CHFR: variants seen among roughly 807,000 people sequenced by gnomAD.
CHFR encodes the protein checkpoint with forkhead and ring finger domains.
Under a neutral mutation model 87.6 loss-of-function variants are expected in CHFR, and 57 were observed. The ratio of observed to expected loss-of-function variants is 0.65; its 90% confidence interval spans 0.53 to 0.81. The LOEUF (loss-of-function observed/expected upper bound fraction) is 0.81, where lower values mean the gene tolerates loss of function less well. Ranked by LOEUF, CHFR falls within the 30% of genes least tolerant of loss-of-function variation. The pLI, the probability that CHFR is intolerant of heterozygous loss-of-function variation, is 0.00. For synonymous variants in CHFR, 381 were observed against 359.2 expected, an observed-to-expected ratio of 1.06 and a Z score of -0.69; for missense variants, 797 against 865.8, an observed-to-expected ratio of 0.92 and a Z score of 1.00.
intron 10 of CHFR, among the ~76,000 whole-genome samples, chr12:132,855,926 T>C (rs758817679): frequency 2.0e-5 from 3 of 152,190 alleles, no homozygotes; most frequent in African/African-American, 7.2e-5. Context: ...GTCTTGTGCA[T>C]TAGGAAACCT....
Position 132,847,089 on chromosome 12 carries a change from C to A in CHFR, c.1689G>T (p.Leu563Phe). ...GCTGGAGAGCCACGAGGCTCTCGGTCAACATGTTTTTCCATGTCAAACCTC... is the reference window on the plus strand; with the variant it reads ...GCTGGAGAGCCACGAGGCTCTCGGTAAACATGTTTTTCCATGTCAAACCTC... ...ATRGLTWKNM[L>F]TESLVALQRG... Residue 563 changes from leucine (L) to phenylalanine (F), a missense_variant, in exon 15 of 18, where the codon TTG becomes TTT. Leu to Phe is a conservative substitution (Grantham distance 22, BLOSUM62 0). Transcript: ENST00000450056. 3.7e-6 allele frequency: 6 copies of A among 1,613,736 alleles called. No homozygotes were observed. The highest frequency in any genetic ancestry group is 5.1e-6 in the Non-Finnish European group (6 of 1,179,866).
intron 6 of CHFR, among the ~76,000 whole-genome samples, chr12:132,862,738 C>T (rs1386766670): frequency 6.6e-6 from 1 of 151,830 alleles, no homozygotes; most frequent in Admixed American, 6.6e-5. Flanking sequence ...CGCCACCATA[C>T]CCAGCTAATT....
chr12:132,886,110 A>G (rs1478227409), intron 2 of CHFR, among the ~76,000 whole-genome samples: 8 of 152,118 alleles, frequency 5.3e-5, no homozygotes, highest in Admixed American at 2.6e-4. Flanking sequence ...TCAGTTGTTC[A>G]AGACCAGCCT....
intron 2 of CHFR, among the ~76,000 whole-genome samples, chr12:132,884,812 C>A (rs1204920461): frequency 2.0e-5 from 3 of 152,182 alleles, no homozygotes; most frequent in Non-Finnish European, 2.9e-5. Context: ...TCTGGCCAGG[C>A]ACAGTGGCTC....
chr12:132,886,703 C>T (rs1392453268), intron 2 of CHFR, among the ~76,000 whole-genome samples: 3 of 152,172 alleles, frequency 2.0e-5, no homozygotes, highest in African/African-American at 7.2e-5. Flanking sequence ...AATATAAGCA[C>T]TACAGCTATA....
chr12:132,836,687 A>G lies in CHFR; in HGVS notation c.*4867T>C, dbSNP rs1483277534. On this transcript the variant is annotated 3_prime_UTR_variant, in exon 18 of 18. Transcript: ENST00000450056. The stretch of plus-strand genomic sequence containing the variant: ...TCTGCTCTGTGTGAGGAACTTTAAG[A>G]CCCCACCATCTAGACTCACCGCCTC... 1 of 455,882 alleles carries G rather than the reference A, an allele frequency of 2.2e-6. No homozygotes were observed. Among genetic ancestry groups the G allele is most frequent in the Non-Finnish European group, 4.4e-6 (1 of 226,802 alleles). 28.2% of individuals were successfully genotyped at this position (455,882 alleles called of 1,614,324 possible).
At chr12:132,845,044 T>G (rs1950788548) in intron 15 of CHFR, among the ~76,000 whole-genome samples, 1 of 151,458 alleles carries the variant, frequency 6.6e-6, no homozygotes. Flanking sequence ...AGGAAAGGAT[T>G]TGTACATTTG....
rs757032485 is a variant in CHFR, at chr12:132,833,131, G to A, written c.*8423C>T. 1 of 152,222 alleles carries A rather than the reference G, an allele frequency of 6.6e-6. No individual in the cohort carries two copies. Among genetic ancestry groups the A allele is most frequent in the South Asian group, 2.1e-4 (1 of 4,832 alleles). The allele number at this position is 152,222 out of a possible 1,614,324, so 9.4% of individuals were successfully genotyped here. A position where few individuals can be genotyped will look rare whatever the true frequency, so the allele number is the denominator to read the frequency against. ...TTTGTCTGTCCATGCATCAGCTGAT[G>A]GACCCACTGAGGTGCCTTACGCGAG... On this transcript the variant is annotated 3_prime_UTR_variant, in exon 18 of 18. Coordinates refer to ENST00000450056, the MANE Select transcript of CHFR (RefSeq NM_001161346.2).
chr12:132,866,321 T>C (rs1231464711), intron 6 of CHFR: 3 of 151,908 alleles, frequency 2.0e-5, no homozygotes, highest in Non-Finnish European at 1.5e-5. Flanking sequence ...CACACCGGAA[T>C]GTTACAACAC....
At chr12:132,864,016 G>A (rs756783000) in intron 6 of CHFR, among the ~76,000 whole-genome samples, 30 of 151,990 alleles carry the variant, frequency 2.0e-4, no homozygotes, top group African/African-American at 6.3e-4. Flanking sequence ...CACCCACCTC[G>A]GCCTCCCCAA....
At chr12:132,864,189 A>AC (rs939496587) in intron 6 of CHFR, among the ~76,000 whole-genome samples, 2 of 149,370 alleles carry the variant, frequency 1.3e-5, no homozygotes, top group African/African-American at 4.9e-5. Context: ...AAAAAAAAAC[A>AC]CAAGAAACTG....
At position 132,841,234 on chromosome 12, in the gene CHFR, G is replaced by A. The variant is rs781543889; in HGVS notation, c.*320C>T. 5.6e-5 allele frequency: 15 copies of A among 265,912 alleles called. No homozygotes were observed. Among genetic ancestry groups the A allele is most frequent in the African/African-American group, 1.1e-4 (5 of 45,052 alleles). 16.5% of individuals were successfully genotyped at this position (265,912 alleles called of 1,614,324 possible). The stretch of plus-strand genomic sequence containing the variant: ...AGACTTCTGCTTTAACTGTAGTTTC[G>A]GAAAATGTACAAAAGAGCAAAACTG... On this transcript the variant is annotated 3_prime_UTR_variant, in exon 18 of 18. Transcript: ENST00000450056.
intron 10 of CHFR, 84 bp downstream of exon 10, chr12:132,856,384 G>T (rs1286701905): frequency 2.1e-6 from 3 of 1,443,604 alleles, no homozygotes; most frequent in Middle Eastern, 4.8e-4. Context: ...GACCCATGCT[G>T]TCCACCCAGT....
intron 3 of CHFR, among the ~76,000 whole-genome samples, chr12:132,874,666 ACTGCCCGGGACCAGCACCCAGCGCGAGG>A (rs1951581183): frequency 7.1e-6 from 1 of 140,490 alleles, no homozygotes; most frequent in African/African-American, 2.7e-5. Flanking sequence ...AACAGGCGGG[ACTGCCCGGGACCAGCACCCAGCGCGAGG>A]AAGCCAGGCC....
intron 6 of CHFR, among the ~76,000 whole-genome samples, chr12:132,863,641 G>T (rs1027911552): frequency 6.6e-6 from 1 of 152,234 alleles, no homozygotes; most frequent in African/African-American, 2.4e-5. Context: ...TACAAGAGGT[G>T]TGATAACGGG....
chr12:132,851,089 CA>C (rs1386884524), intron 12 of CHFR, among the ~76,000 whole-genome samples: 1 of 151,854 alleles, frequency 6.6e-6, no homozygotes, highest in Non-Finnish European at 1.5e-5. Flanking sequence ...CTCTCGGACT[CA>C]AGCCATCCTT....
intron 6 of CHFR, among the ~76,000 whole-genome samples, chr12:132,863,302 G>A (rs2136989984): frequency 6.6e-6 from 1 of 151,634 alleles, no homozygotes. Context: ...GAGGTCAGGA[G>A]TTCGAGACCA....
At position 132,872,293 on chromosome 12, in the gene CHFR, G is replaced by A. The variant is rs377703818; in HGVS notation, c.335C>T (p.Pro112Leu). 131 of 1,607,062 alleles carry A rather than the reference G, an allele frequency of 8.2e-5. No homozygotes were observed. Among genetic ancestry groups the A allele is most frequent in the Non-Finnish European group, 1.0e-4 (121 of 1,173,780 alleles). The change falls in exon 4 of 18, where the codon CCG becomes CTG. Residue 112 changes from proline to leucine, a missense_variant. This residue lies in a region of CHFR where 597 missense variants were observed against 601.2 expected (regional missense o/e 0.99). Transcript: ENST00000450056. ...GCCTTCCTCTCTCTTACTGTGTTCC[G>A]GTTCATTCTTCCTGTACACCAAGTA... ...VIYLVYRKNE[P>L]EHNVAYLYES...
At chr12:132,879,855 C>G (rs1033155491) in intron 2 of CHFR, among the ~76,000 whole-genome samples, 1 of 152,180 alleles carries the variant, frequency 6.6e-6, no homozygotes, top group East Asian at 1.9e-4. Flanking sequence ...GGTCAGGAGA[C>G]AGTGGCATGC....
Sources: allele counts gnomAD v4.1 joint callset (sites outside exome capture counted in the v4.1 genomes callset), GRCh38; gene constraint gnomAD v4.1.1; regional missense constraint gnomAD v4.1.1; transcripts MANE v1.5; gene names NCBI Gene and HGNC (gene_info 2026-07-23, HGNC 2026-07-21).